Variants in CRB1 observed in about 807,000 individuals in gnomAD.
The protein encoded by CRB1 is protein crumbs homolog 1.
In CRB1, 83 loss-of-function variants were observed where a neutral mutation model predicts 120.0. The ratio of observed to expected loss-of-function variants is 0.69; its 90% CI spans 0.58 to 0.83. CRB1 has a LOEUF of 0.83. CRB1 is among the 40% of genes least tolerant of loss of function. The pLI, the probability that CRB1 is intolerant of heterozygous loss-of-function variation, is 0.00. For missense variants in CRB1, 1,699 were observed against 1,687.6 expected (o/e 1.01, Z -0.12); for synonymous variants, 625 against 612.5 (o/e 1.02, Z -0.30).
the CRB1 span, among the ~76,000 whole-genome samples, chr1:197,212,872 A>G: frequency 1.3e-5 from 2 of 152,168 alleles, no homozygotes; most frequent in Non-Finnish European, 2.9e-5. Flanking sequence ...TTTACTATAT[A>G]AAAAGATAAA....
intron 4 of CRB1, among the ~76,000 whole-genome samples, chr1:197,353,214 A>C (rs1338110748): frequency 6.6e-6 from 1 of 152,222 alleles, no homozygotes; most frequent in Non-Finnish European, 1.5e-5. Context: ...GCAATACAAG[A>C]TAAAGTCTGA....
At chr1:197,431,182 C>T (rs1245404276) in intron 8 of CRB1, among the ~76,000 whole-genome samples, 1 of 151,880 alleles carries the variant, frequency 6.6e-6, no homozygotes, top group Non-Finnish European at 1.5e-5. Flanking sequence ...GACTGGGCCC[C>T]GAAGTAACTG....
chr1:197,348,553 T>C (rs1346465774), intron 4 of CRB1, among the ~76,000 whole-genome samples: 2 of 152,212 alleles, frequency 1.3e-5, no homozygotes, highest in African/African-American at 4.8e-5. Context: ...CTCCGCTCAC[T>C]ATAAGCTCCG....
chr1:197,387,837 G>A (rs1369382222), intron 5 of CRB1, among the ~76,000 whole-genome samples: 3 of 151,804 alleles, frequency 2.0e-5, no homozygotes, highest in Non-Finnish European at 2.9e-5. Context: ...AGCGTGGGGA[G>A]GCTATTTCTA....
At chr1:197,442,132 G>T (rs763083937) in intron 10 of CRB1, 34 bp from the exon 11 acceptor site, 3 of 1,613,880 alleles carry the variant, frequency 1.9e-6, no homozygotes, top group East Asian at 4.5e-5. Context: ...ATTCAACAGG[G>T]ACCTGGGTTT....
At chr1:197,327,896 T>C (rs1310597512) in intron 1 of CRB1, among the ~76,000 whole-genome samples, 2 of 152,106 alleles carry the variant, frequency 1.3e-5, no homozygotes, top group African/African-American at 2.4e-5. Flanking sequence ...GGAATTCTGC[T>C]GCTCTTAAAA....
At chr1:197,286,148 AAAG>A (rs1163051023) in intron 1 of CRB1, among the ~76,000 whole-genome samples, 1 of 151,872 alleles carries the variant, frequency 6.6e-6, no homozygotes, top group Non-Finnish European at 1.5e-5. Context: ...AGCCGAGAAA[AAAG>A]AGATTTTTCT....
the CRB1 span, among the ~76,000 whole-genome samples, chr1:197,231,520 A>G: frequency 6.6e-6 from 1 of 152,166 alleles, no homozygotes; most frequent in Non-Finnish European, 1.5e-5. Context: ...ACAGGATTTG[A>G]TACCCTGGCA....
At chr1:197,428,385 C>G (rs1424803473) in intron 7 of CRB1, among the ~76,000 whole-genome samples, 1 of 152,194 alleles carries the variant, frequency 6.6e-6, no homozygotes, top group East Asian at 1.9e-4. Context: ...TGCCCAACTA[C>G]TATTGTTTTG....
intron 1 of CRB1, among the ~76,000 whole-genome samples, chr1:197,311,526 G>GT (rs1657519186): frequency 6.6e-6 from 1 of 152,090 alleles, no homozygotes. Flanking sequence ...AAAATTCATA[G>GT]TTTTTAACTC....
intron 2 of CRB1, among the ~76,000 whole-genome samples, chr1:197,343,045 G>T (rs1054887317): frequency 5.9e-5 from 9 of 152,094 alleles, no homozygotes; most frequent in African/African-American, 2.2e-4. Flanking sequence ...CATAAATTTA[G>T]AGTTTTTTAT....
the CRB1 span, among the ~76,000 whole-genome samples, chr1:197,205,116 C>G: frequency 6.6e-6 from 1 of 152,120 alleles, no homozygotes; most frequent in African/African-American, 2.4e-5. Context: ...AATTTTATAT[C>G]CTAAAACTTT....
the CRB1 span, among the ~76,000 whole-genome samples, chr1:197,247,389 A>G: frequency 1.3e-5 from 2 of 152,132 alleles, no homozygotes; most frequent in Non-Finnish European, 2.9e-5. Context: ...CATAAGAGTC[A>G]TAAACAGCAA....
At chr1:197,413,264 T>C (rs1369092473) in intron 5 of CRB1, among the ~76,000 whole-genome samples, 1 of 152,206 alleles carries the variant, frequency 6.6e-6, no homozygotes, top group Non-Finnish European at 1.5e-5. Context: ...ATTATTCTCT[T>C]GTACAAAATT....
chr1:197,344,344 G>C lies in CRB1; in HGVS notation c.716G>C (p.Cys239Ser), dbSNP rs771079655. The change falls in exon 3 of 12, where the codon TGT (cysteine) becomes TCT (serine). Residue 239 changes from cysteine to serine, a missense_variant. Cys to Ser is a moderately radical substitution (Grantham distance 112). Coordinates refer to ENST00000367400, the MANE Select transcript of CRB1 (RefSeq NM_201253.3). ...WSQPCLNGAT[C>S]QDALGAYFCD... is the part of the protein sequence containing the mutation. The stretch of plus-strand genomic sequence containing the variant: ...CAGCCTTGTTTAAATGGTGCAACTT[G>C]TCAGGATGCTCTGGGGGCCTATTTC... 3 of 1,614,028 alleles carry C rather than the reference G, an allele frequency of 1.9e-6. No homozygotes were observed. The highest frequency in any genetic ancestry group is 4.5e-5 in the East Asian group (2 of 44,900).
intron 5 of CRB1, 38 bp from the exon 6 acceptor site, chr1:197,420,962 A>AAG (rs1558125120): frequency 8.1e-7 from 1 of 1,236,928 alleles, no homozygotes. Context: ...TTTTGATGTG[A>AAG]ATATATATAA....
chr1:197,255,118 A>T, the CRB1 span, among the ~76,000 whole-genome samples: 4 of 152,006 alleles, frequency 2.6e-5, no homozygotes, highest in Non-Finnish European at 4.4e-5. Flanking sequence ...ATTTGATAGC[A>T]GTGTGCTAAA....
intron 1 of CRB1, among the ~76,000 whole-genome samples, chr1:197,305,581 CTAA>C (rs1255634371): frequency 6.6e-6 from 1 of 151,678 alleles, no homozygotes; most frequent in Non-Finnish European, 1.5e-5. Context: ...CGGATGACTG[CTAA>C]TAATCTGTGA....
chr1:197,267,287 A>G (rs1654672178), upstream of CRB1, among the ~76,000 whole-genome samples: 1 of 152,180 alleles, frequency 6.6e-6, no homozygotes, highest in African/African-American at 2.4e-5. Flanking sequence ...ATTGTCATGA[A>G]TTCTATAAAA....
Sources: allele counts gnomAD v4.1 joint callset (sites outside exome capture counted in the v4.1 genomes callset), GRCh38; gene constraint gnomAD v4.1.1; transcripts MANE v1.5; gene names NCBI Gene and HGNC (gene_info 2026-07-23, HGNC 2026-07-21).